EMP2: variants seen among roughly 807,000 people sequenced by gnomAD.
EMP2 encodes epithelial membrane protein 2.
EMP2 carries 19 observed loss-of-function variants against 13.7 expected under a neutral mutation model. The ratio of observed to expected loss-of-function variants is 1.38; its 90% CI spans 0.97 to 2.03. The LOEUF (loss-of-function observed/expected upper bound fraction) is 2.03. EMP2 is among the 30% of genes most tolerant of loss of function. The pLI, the probability that EMP2 is intolerant of heterozygous loss-of-function variation, is 0.00. For synonymous variants in EMP2, 97 were observed against 84.7 expected (o/e 1.15, Z -0.80); for missense variants, 253 against 220.7 (o/e 1.15, Z -0.93).
At chr16:10,562,372 C>CTG in intron 1 of EMP2, among the ~76,000 whole-genome samples, 1 of 132,666 alleles carries the variant, frequency 7.5e-6, no homozygotes, top group South Asian at 2.4e-4. Flanking sequence ...CTCTCTCTCT[C>CTG]TCTCTCTCTA....
intron 1 of EMP2, chr16:10,578,127 G>C (rs2050996935): frequency 6.6e-6 from 1 of 152,156 alleles, no homozygotes; most frequent in Non-Finnish European, 1.5e-5. Context: ...CCGTCTGGCG[G>C]AGTTTACTAT....
chr16:10,540,194 C>A (rs904334683), intron 3 of EMP2, among the ~76,000 whole-genome samples: 9 of 152,166 alleles, frequency 5.9e-5, no homozygotes, highest in Middle Eastern at 3.2e-3. Context: ...GAGAGGGATG[C>A]TCACTTTGCT....
At chr16:10,544,251 C>A (rs9931610) in intron 2 of EMP2, 63,359 of 153,416 alleles carry the variant, frequency 0.41, 13,603 homozygotes, top group East Asian at 0.65. Context: ...ATGATCTTGG[C>A]TCACTGCAAC....
chr16:10,571,615 G>C (rs2050948094), intron 1 of EMP2, among the ~76,000 whole-genome samples: 1 of 152,170 alleles, frequency 6.6e-6, no homozygotes, highest in Non-Finnish European at 1.5e-5. Context: ...AGAGTGACTT[G>C]GTCAGCTTTG....
At chr16:10,564,256 C>T (rs371427343) in intron 1 of EMP2, among the ~76,000 whole-genome samples, 7 of 152,074 alleles carry the variant, frequency 4.6e-5, no homozygotes, top group African/African-American at 1.4e-4. Flanking sequence ...TTTGGTAGGT[C>T]GAGGTGGGTG....
rs898417735 is a variant in EMP2, at chr16:10,530,916, G to A, written c.*1989C>T. On this transcript the variant is annotated 3_prime_UTR_variant, in exon 5 of 5. Coordinates refer to ENST00000359543, the MANE Select transcript of EMP2 (RefSeq NM_001424.6). ...TCTAAATACCTAAATGCCTCCAGGA[G>A]CATTTAATAATAGGCACGCGTAAAG... The A allele has an allele frequency of 6.6e-6, 1 of 152,186 alleles. No homozygotes were observed. The highest frequency in any genetic ancestry group is 6.5e-5 in the Admixed American group (1 of 15,286). The allele number at this position is 152,186 out of a possible 1,614,324, so 9.4% of individuals were successfully genotyped here.
rs539918905 is a variant in EMP2 at position 10,571,601 on chromosome 16, G to A, written c.-61+8948C>T. On this transcript the variant is annotated intron_variant, in intron 1 of 4. Coordinates refer to ENST00000359543, the MANE Select transcript of EMP2 (RefSeq NM_001424.6). Reference sequence around the variant, plus strand: ...TACTGAAGAATTTTAAGTGGGGCAGGGGAAGAGTGACTTGGTCAGCTTTGT... The same window carrying A: ...TACTGAAGAATTTTAAGTGGGGCAGAGGAAGAGTGACTTGGTCAGCTTTGT... Among the ~76,000 whole-genome samples, 7 of 152,316 alleles carry A rather than the reference G, an allele frequency of 4.6e-5. No individual in the cohort carries two copies. In the South Asian group the frequency reaches 1.5e-3, roughly 32 times the overall value.
At chr16:10,577,950 A>AC (rs1212825905) in intron 1 of EMP2, 39 of 82,812 alleles carry the variant, frequency 4.7e-4, no homozygotes, top group African/African-American at 1.5e-3. Flanking sequence ...TGTCCCCCCC[A>AC]CCCCCCCACA....
intron 1 of EMP2, among the ~76,000 whole-genome samples, chr16:10,550,149 G>A (rs2050775458): frequency 6.6e-6 from 1 of 152,060 alleles, no homozygotes; most frequent in African/African-American, 2.4e-5. Flanking sequence ...GCCTCCCAAA[G>A]TGCTGGGATT....
At chr16:10,561,120 G>A (rs1596378818) in intron 1 of EMP2, among the ~76,000 whole-genome samples, 1 of 152,136 alleles carries the variant, frequency 6.6e-6, no homozygotes, top group African/African-American at 2.4e-5. Flanking sequence ...CAGAAGGGAG[G>A]GAGCCAAGAG....
At chr16:10,577,162 G>A (rs2050989340) in intron 1 of EMP2, among the ~76,000 whole-genome samples, 1 of 152,196 alleles carries the variant, frequency 6.6e-6, no homozygotes, top group Non-Finnish European at 1.5e-5. Flanking sequence ...ACCTCTCTGA[G>A]TGTCCCTAGC....
chr16:10,552,666 C>T (rs1423216129), intron 1 of EMP2, among the ~76,000 whole-genome samples: 2 of 152,106 alleles, frequency 1.3e-5, no homozygotes, highest in Admixed American at 6.5e-5. Context: ...AGAAACACCA[C>T]GTATAGCAGT....
intron 4 of EMP2, among the ~76,000 whole-genome samples, chr16:10,535,017 AC>A (rs1200596323): frequency 1.3e-5 from 2 of 152,176 alleles, no homozygotes; most frequent in Non-Finnish European, 2.9e-5. Context: ...CTTGATTCTG[AC>A]AGCACCTCCC....
chr16:10,547,639 G>C lies in EMP2; in HGVS notation c.-22C>G. On this transcript the variant is annotated 5_prime_UTR_variant, in exon 2 of 5. Coordinates refer to ENST00000359543, the MANE Select transcript of EMP2 (RefSeq NM_001424.6). ...ACATTTTCACAGGGCAGGGCGAGTC[G>C]AGGCGAGGGGTCACGTTTAAAGCCC... The C allele has an allele frequency of 6.2e-7, 1 of 1,613,376 alleles. No homozygotes were observed.
At chr16:10,537,048 G>C (rs1224796449) in intron 4 of EMP2, among the ~76,000 whole-genome samples, 1 of 152,168 alleles carries the variant, frequency 6.6e-6, no homozygotes, top group Non-Finnish European at 1.5e-5. Context: ...GGGCTGGAAG[G>C]AGGTGGTAGT....
intron 1 of EMP2, among the ~76,000 whole-genome samples, chr16:10,563,053 A>T (rs1484119191): frequency 6.6e-6 from 1 of 152,142 alleles, no homozygotes; most frequent in Non-Finnish European, 1.5e-5. Context: ...GCAGGTGTCA[A>T]ATGCAGGGTG....
intron 3 of EMP2, 55 bp from the exon 4 acceptor site, chr16:10,538,129 G>A (rs182846333): frequency 5.6e-6 from 9 of 1,595,052 alleles, no homozygotes; most frequent in South Asian, 2.2e-5. Flanking sequence ...CCGGCACTGT[G>A]GGGTACACAG....
At position 10,532,912 on chromosome 16, in the gene EMP2, C is replaced by T. The variant is rs138530114; in HGVS notation, c.497G>A (p.Arg166His). 3.5e-5 allele frequency: 54 copies of T among 1,535,390 alleles called. No homozygotes were observed. Among genetic ancestry groups the T allele is most frequent in the Middle Eastern group, 2.1e-4 (1 of 4,698 alleles). ...SGMMYLILRK[R>H]K ...CAACCCAGCTCCGGAACTCTATTTG[C>T]GCTTCCTCAGTATCAGGTACATCAT... is the stretch of plus-strand genomic sequence containing the variant. The change falls in exon 5 of 5, where the codon CGC (arginine) becomes CAC (histidine). Residue 166 changes from arginine to histidine, a missense_variant. Transcript: ENST00000359543.
chr16:10,549,266 T>C (rs553098076), intron 1 of EMP2, among the ~76,000 whole-genome samples: 1 of 152,322 alleles, frequency 6.6e-6, no homozygotes, highest in East Asian at 1.9e-4. Flanking sequence ...ACAACAGAAC[T>C]ACAGTTGTCC....
Sources: allele counts gnomAD v4.1 joint callset (sites outside exome capture counted in the v4.1 genomes callset), GRCh38; gene constraint gnomAD v4.1.1; transcripts MANE v1.5; gene names NCBI Gene and HGNC (gene_info 2026-07-23, HGNC 2026-07-21).